The following MTIF3 variants were observed in gnomAD, a reference collection of about 807,000 sequenced individuals.
MTIF3 encodes the protein translation initiation factor IF-3, mitochondrial.
In MTIF3, 13 loss-of-function variants were observed where a neutral mutation model predicts 20.7. That is an observed-to-expected ratio of 0.63 (90% CI 0.41 to 1.00). The LOEUF is 1.00. Ranked by LOEUF, MTIF3 falls within the 50% of genes least tolerant of loss-of-function variation. MTIF3 has a pLI of 0.00. For synonymous variants in MTIF3, 114 were observed against 112.5 expected (o/e 1.01, Z -0.08); for missense variants, 295 against 324.5 (o/e 0.91, Z 0.70).
Position 27,435,721 on chromosome 13 carries a change from T to G in MTIF3, c.791A>C (p.Asn264Thr), listed in dbSNP as rs145073416. The part of the protein sequence containing the change: ...TQETQERDTL[N>T]KDHGNDKESN... ...TTCCTTATCATTTCCATGGTCTTTG[T>G]TCAAAGTGTCTCTTTCCTGGGTCTC... is the stretch of plus-strand genomic sequence containing the variant. Residue 264 changes from asparagine (N) to threonine (T), a missense_variant, in exon 5 of 5, where the codon AAC (asparagine) becomes ACC (threonine). Physicochemically the swap from Asn to Thr is moderately conservative, Grantham distance 65. Coordinates refer to ENST00000381120, the MANE Select transcript of MTIF3 (RefSeq NM_152912.5). 4.0e-5 allele frequency: 65 copies of G among 1,614,082 alleles called. No homozygotes were observed. Among genetic ancestry groups the G allele is most frequent in the Non-Finnish European group, 5.1e-5 (60 of 1,180,020 alleles).
In MTIF3 at chr13:27,435,873, T is replaced by G; in HGVS notation, c.639A>C (p.Ile213=). 6.2e-7 allele frequency: 1 copy of G among 1,612,682 alleles called. No homozygotes were observed. Among genetic ancestry groups the G allele is most frequent in the Non-Finnish European group, 8.5e-7 (1 of 1,179,482 alleles). ...ENEMEEIFHQ[I]LQTMPGIATF... Reference sequence around the variant, plus strand: ...TAGCTATTCCAGGCATAGTCTGGAGTATTTGATGAAATATCTCCTCCTAAA... The same window carrying G: ...TAGCTATTCCAGGCATAGTCTGGAGGATTTGATGAAATATCTCCTCCTAAA... The change falls in exon 5 of 5, where the codon ATA becomes ATC. Residue 213 remains isoleucine (I), a synonymous_variant. Transcript: ENST00000381120.
At position 27,440,180 on chromosome 13, in the gene MTIF3, A is replaced by C. The variant is rs1262309611; in HGVS notation, c.269T>G (p.Phe90Cys). Residue 90 changes from phenylalanine to cysteine, a missense_variant, in exon 3 of 5, where the codon TTT (phenylalanine) becomes TGT (cysteine). Transcript: ENST00000381120. ...RKISQRVIHL[F>C]DEKGNDLGNM... is the part of the protein sequence containing the mutation. Reference sequence around the variant, plus strand: ...TCCCAAATCATTGCCCTTCTCATCAAATAAGTGAATAACTCGCTGACTAAT... The same window carrying C: ...TCCCAAATCATTGCCCTTCTCATCACATAAGTGAATAACTCGCTGACTAAT... 1 of 1,614,082 alleles carries C rather than the reference A, an allele frequency of 6.2e-7. No homozygotes were observed. Among genetic ancestry groups the C allele is most frequent in the Admixed American group, 1.7e-5 (1 of 60,010 alleles).
chr13:27,438,905 T>G (rs551245319), intron 3 of MTIF3, among the ~76,000 whole-genome samples: 28 of 150,116 alleles, frequency 1.9e-4, no homozygotes, highest in Admixed American at 5.3e-4. Context: ...ATTACAAAAC[T>G]GAGCCGCAGA....
At position 27,435,793 on chromosome 13, in the gene MTIF3, A is replaced by G. The variant is rs756750858; in HGVS notation, c.719T>C (p.Leu240Pro). The G allele has an allele frequency of 6.2e-7, 1 of 1,614,204 alleles. No homozygotes were observed. Among genetic ancestry groups the G allele is most frequent in the Non-Finnish European group, 8.5e-7 (1 of 1,180,020 alleles). ...VQGGKALMCVLRAFSKNEEKA... is the reference protein window; with the variant it reads ...VQGGKALMCVPRAFSKNEEKA... ...CTCCTCATTTTTGCTGAAAGCACGA[A>G]GAACACACATTAAAGCTTTTCCTCC... Residue 240 changes from leucine (L) to proline (P), a missense_variant, in exon 5 of 5, where the codon CTT becomes CCT. Transcript: ENST00000381120.
chr13:27,439,522 A>T (rs192472231), intron 3 of MTIF3, among the ~76,000 whole-genome samples: 31 of 152,290 alleles, frequency 2.0e-4, no homozygotes, highest in Admixed American at 5.2e-4. Context: ...CTTCCAGATA[A>T]TTAACCAAAC....
At chr13:27,448,963 C>T (rs889996232) in intron 1 of MTIF3, among the ~76,000 whole-genome samples, 1 of 144,420 alleles carries the variant, frequency 6.9e-6, no homozygotes, top group African/African-American at 2.6e-5. Flanking sequence ...ATCACTTGAA[C>T]CCGGGAAGCA....
In MTIF3 at chr13:27,450,517, G is replaced by C. The variant is rs983605658; in HGVS notation, c.-79C>G. 2.0e-5 allele frequency: 3 copies of C among 152,330 alleles called. No homozygotes were observed. The highest frequency in any genetic ancestry group is 4.4e-5 in the Non-Finnish European group (3 of 68,102). 9.4% of individuals were successfully genotyped at this position (152,330 alleles called of 1,614,324 possible). A position where few individuals can be genotyped will look rare whatever the true frequency, so the allele number is the denominator to read the frequency against. On this transcript the variant is annotated 5_prime_UTR_variant, in exon 1 of 5. Coordinates refer to ENST00000381120, the MANE Select transcript of MTIF3 (RefSeq NM_152912.5). Reference sequence around the variant, plus strand: ...CTCATATTTAGCATTACCTGTGCTGGGGCAAGCGATTGACATACTGTAGCG... The same window carrying C: ...CTCATATTTAGCATTACCTGTGCTGCGGCAAGCGATTGACATACTGTAGCG...
At position 27,435,656 on chromosome 13, in the gene MTIF3, A is replaced by C. The variant is rs1468331373; in HGVS notation, c.*19T>G. On this transcript the variant is annotated 3_prime_UTR_variant, in exon 5 of 5. Coordinates refer to ENST00000381120, the MANE Select transcript of MTIF3 (RefSeq NM_152912.5). ...CAAGGAGCGAGCTTTCTCTCAGAGC[A>C]TGCTTTTCTTTATTAAAATTACTGA... is the stretch of plus-strand genomic sequence containing the variant. 3 of 1,612,776 alleles carry C rather than the reference A, an allele frequency of 1.9e-6. No homozygotes were observed. The highest frequency in any genetic ancestry group is 1.7e-6 in the Non-Finnish European group (2 of 1,179,046).
chr13:27,437,105 TCTTTA>T lies in MTIF3; in HGVS notation c.618+6_618+10del, dbSNP rs1370115357. On this transcript the variant is annotated splice_donor_region_variant and intron_variant, in intron 4 of 4. Coordinates refer to ENST00000381120, the MANE Select transcript of MTIF3 (RefSeq NM_152912.5). ...AAAGCACAAGCAGTGGCTTGTACCT[TCTTTA>T]CTTACCATTTCATTTTCTGACACGT... The T allele has an allele frequency of 6.2e-7, 1 of 1,612,838 alleles. No individual in the cohort carries two copies. The highest frequency in any genetic ancestry group is 8.5e-7 in the Non-Finnish European group (1 of 1,179,462).
chr13:27,443,574 A>G (rs1489775244), intron 2 of MTIF3, among the ~76,000 whole-genome samples: 1 of 152,242 alleles, frequency 6.6e-6, no homozygotes, highest in African/African-American at 2.4e-5. Context: ...ATAGATATAA[A>G]TTCTAATATT....
At chr13:27,442,007 C>T (rs527714060) in intron 2 of MTIF3, among the ~76,000 whole-genome samples, 2 of 152,256 alleles carry the variant, frequency 1.3e-5, no homozygotes, top group South Asian at 2.1e-4. Context: ...TGGTAACACC[C>T]AACACTCTAA....
At chr13:27,435,953 G>A (rs907671864) in intron 4 of MTIF3, 60 bp from the exon 5 acceptor site, 98 of 1,413,472 alleles carry the variant, frequency 6.9e-5, no homozygotes, top group Non-Finnish European at 8.8e-5. Flanking sequence ...GCTTTCTAAT[G>A]TTCTGCTTGA....
At chr13:27,444,759 C>A (rs1187095283) in intron 2 of MTIF3, among the ~76,000 whole-genome samples, 2 of 152,126 alleles carry the variant, frequency 1.3e-5, no homozygotes, top group Non-Finnish European at 2.9e-5. Flanking sequence ...CTAAGAGGTA[C>A]TCCTTAATCT....
intron 2 of MTIF3, among the ~76,000 whole-genome samples, chr13:27,444,276 G>T (rs1954101188): frequency 6.6e-6 from 1 of 151,636 alleles, no homozygotes; most frequent in Non-Finnish European, 1.5e-5. Flanking sequence ...CTGCACTCCA[G>T]CCTGGGCGAC....
chr13:27,450,130 G>C (rs570233128), intron 1 of MTIF3: 1 of 152,388 alleles, frequency 6.6e-6, no homozygotes, highest in African/African-American at 2.4e-5. Context: ...GTAAGTCGGC[G>C]GCGACGCCCA....
chr13:27,448,759 C>T (rs767280624), intron 1 of MTIF3, among the ~76,000 whole-genome samples: 4 of 152,182 alleles, frequency 2.6e-5, no homozygotes, highest in East Asian at 1.9e-4. Flanking sequence ...GACTTACGGC[C>T]GGGCACGGTG....
In MTIF3 at chr13:27,435,770, C is replaced by T; in HGVS notation, c.742G>A (p.Glu248Lys). ...CVLRAFSKNE[E>K]KAYKETQETQ... ...TCTTGAGTTTCTTTATATGCCTTCTCCTCATTTTTGCTGAAAGCACGAAGA... is the reference window on the plus strand; with the variant it reads ...TCTTGAGTTTCTTTATATGCCTTCTTCTCATTTTTGCTGAAAGCACGAAGA... Residue 248 changes from glutamate (E) to lysine (K), a missense_variant, in exon 5 of 5, where the codon GAG (glutamate) becomes AAG (lysine). Transcript: ENST00000381120. 6.2e-7 allele frequency: 1 copy of T among 1,614,084 alleles called. No individual in the cohort carries two copies. Among genetic ancestry groups the T allele is most frequent in the Non-Finnish European group, 8.5e-7 (1 of 1,179,992 alleles).
In MTIF3 at chr13:27,447,916, T is replaced by C. The variant is rs550235096; in HGVS notation, c.-71+2593A>G. Among the ~76,000 whole-genome samples, 13 of 152,144 alleles carry C rather than the reference T, an allele frequency of 8.5e-5. No homozygotes were observed. In the South Asian group the frequency reaches 2.7e-3, roughly 32 times the overall value. On this transcript the variant is annotated intron_variant, in intron 1 of 4. Coordinates refer to ENST00000381120, the MANE Select transcript of MTIF3 (RefSeq NM_152912.5). ...AGTTTTTAAATCTAGTTTTCGTTAA[T>C]GAACACCTAGGCTGTTCCCTTTATT... is the stretch of plus-strand genomic sequence containing the variant.
intron 3 of MTIF3, among the ~76,000 whole-genome samples, chr13:27,439,365 G>A (rs58085189): frequency 0.023 from 3,429 of 152,202 alleles, 85 homozygotes; most frequent in South Asian, 0.11. Flanking sequence ...GCGTGGTGGC[G>A]GGCGCCTGTA....
Sources: gnomAD v4.1 joint callset for allele counts (sites outside exome capture counted in the v4.1 genomes callset) on GRCh38, gnomAD v4.1.1 for gene constraint, MANE v1.5 for transcripts, NCBI Gene and HGNC (gene_info 2026-07-23, HGNC 2026-07-21) for gene names.